The following SLCO3A1 variants were observed in gnomAD, a reference collection of about 807,000 sequenced individuals.
SLCO3A1 encodes the protein solute carrier organic anion transporter family member 3A1.
SLCO3A1 carries 27 observed loss-of-function variants against 63.1 expected under a neutral mutation model. That is an observed-to-expected ratio of 0.43 (90% CI 0.32 to 0.59). The LOEUF (loss-of-function observed/expected upper bound fraction) is 0.59, where lower values mean the gene tolerates loss of function less well. Ranked by LOEUF, SLCO3A1 falls within the 20% of genes least tolerant of loss-of-function variation. The pLI is 0.09. For synonymous variants in SLCO3A1, 473 were observed against 409.9 expected, an observed-to-expected ratio of 1.15 and a Z score of -1.86; for missense variants, 773 against 945.8, an observed-to-expected ratio of 0.82 and a Z score of 2.40.
chr15:92,150,905 G>T, intron 8 of SLCO3A1, 45 bp from the exon 9 acceptor site: 1 of 1,446,612 alleles, frequency 6.9e-7, no homozygotes, highest in East Asian at 2.3e-5. Context: ...ACAGGGGAAT[G>T]ATAAAAATCT....
intron 1 of SLCO3A1, among the ~76,000 whole-genome samples, chr15:91,910,132 G>A (rs1898438870): frequency 6.6e-6 from 1 of 152,280 alleles, no homozygotes; most frequent in Admixed American, 6.5e-5. Flanking sequence ...TTCCCCAGGG[G>A]TGGTCTAAAC....
chr15:91,977,444 G>A (rs1264045720), intron 2 of SLCO3A1, among the ~76,000 whole-genome samples: 1 of 152,132 alleles, frequency 6.6e-6, no homozygotes, highest in East Asian at 1.9e-4. Context: ...CAGTCAGTTT[G>A]GGGTTATTAG....
chr15:91,939,450 A>G (rs2151397717), intron 2 of SLCO3A1, among the ~76,000 whole-genome samples: 1 of 152,270 alleles, frequency 6.6e-6, no homozygotes, highest in African/African-American at 2.4e-5. Context: ...TAGCAGAAGA[A>G]TGTGGTTCTG....
intron 3 of SLCO3A1, among the ~76,000 whole-genome samples, chr15:92,101,115 T>G (rs1596101900): frequency 6.6e-6 from 1 of 152,286 alleles, no homozygotes; most frequent in South Asian, 2.1e-4. Flanking sequence ...TCTCCCTCAA[T>G]ATCCCTAGTT....
At chr15:92,023,657 C>T (rs7163548) in intron 2 of SLCO3A1, among the ~76,000 whole-genome samples, 24,313 of 152,004 alleles carry the variant, frequency 0.16, 2,354 homozygotes, top group Admixed American at 0.31. Context: ...TTAGTAGAGA[C>T]GGGATTTCAC....
At chr15:92,010,408 A>G (rs2046356410) in intron 2 of SLCO3A1, among the ~76,000 whole-genome samples, 1 of 152,218 alleles carries the variant, frequency 6.6e-6, no homozygotes. Flanking sequence ...CATTCAGTCC[A>G]GCGTTTCTCA....
At chr15:91,966,977 T>C (rs1240077795) in intron 2 of SLCO3A1, among the ~76,000 whole-genome samples, 2 of 151,992 alleles carry the variant, frequency 1.3e-5, no homozygotes, top group Non-Finnish European at 2.9e-5. Context: ...AAAAGCGTGG[T>C]GCAGTTTTTT....
intron 2 of SLCO3A1, among the ~76,000 whole-genome samples, chr15:91,917,513 C>T (rs575165986): frequency 2.6e-5 from 4 of 152,290 alleles, no homozygotes; most frequent in East Asian, 1.9e-4. Context: ...GGAGTAGACG[C>T]GTTTACTGAA....
chr15:92,001,970 A>T (rs2046260580), intron 2 of SLCO3A1, among the ~76,000 whole-genome samples: 2 of 151,526 alleles, frequency 1.3e-5, no homozygotes, highest in African/African-American at 4.9e-5. Context: ...TGCTCAATGC[A>T]GGTCCCTCCA....
intron 7 of SLCO3A1, among the ~76,000 whole-genome samples, chr15:92,134,348 C>T (rs2048031417): frequency 6.6e-6 from 1 of 152,156 alleles, no homozygotes; most frequent in Admixed American, 6.5e-5. Flanking sequence ...GCATCGCCAC[C>T]TGGGACACCT....
chr15:92,093,002 G>A (rs907766154), intron 2 of SLCO3A1, among the ~76,000 whole-genome samples: 1 of 152,130 alleles, frequency 6.6e-6, no homozygotes, highest in Non-Finnish European at 1.5e-5. Context: ...GCTGAGGGTG[G>A]ACTCAGCCCT....
chr15:91,882,474 G>T lies in SLCO3A1; in HGVS notation c.180+28386G>T, dbSNP rs902537557. 2.0e-5 allele frequency among the ~76,000 whole-genome samples: 3 copies of T among 152,128 alleles called. No homozygotes were observed. The highest frequency in any genetic ancestry group is 1.3e-4 in the Admixed American group (2 of 15,278). ...ACATGAAATTTGCTAATACGGTATA[G>T]ATTTGGGGGCCTCCACCCCCACCCC... is the stretch of plus-strand genomic sequence containing the variant. On this transcript the variant is annotated intron_variant, in intron 1 of 9. Coordinates refer to ENST00000318445, the MANE Select transcript of SLCO3A1 (RefSeq NM_013272.4). This position sits in a 1 kb window ranked among gnomAD's most constrained non-coding sequence, Gnocchi z 4.4.
exon 11 of SLCO3A1, chr15:92,172,027 G>A: frequency 1.7e-6 from 1 of 601,688 alleles, no homozygotes. Flanking sequence ...GGCCTGTGAT[G>A]AGGACCAAAG....
intron 7 of SLCO3A1, among the ~76,000 whole-genome samples, chr15:92,137,378 G>A (rs996729338): frequency 3.1e-5 from 3 of 97,136 alleles, no homozygotes; most frequent in Non-Finnish European, 5.7e-5. Context: ...TATCATTGTT[G>A]GACATTTGGG....
rs1424731786 is a variant in SLCO3A1 at position 91,863,766 on chromosome 15, T to TA, written c.180+9679dup. On this transcript the variant is annotated intron_variant, in intron 1 of 9. Transcript: ENST00000318445. This position sits in a 1 kb window ranked among gnomAD's most constrained non-coding sequence, Gnocchi z 4.3. ...GCTTCAGAGAAGCCTCTCCTGTCCTTATGCAAAAAACTGAGGGCAAGACTC... is the reference window on the plus strand; with the variant it reads ...GCTTCAGAGAAGCCTCTCCTGTCCTTAATGCAAAAAACTGAGGGCAAGACTC... Among the ~76,000 whole-genome samples the TA allele has an allele frequency of 2.6e-5, 4 of 152,112 alleles. No homozygotes were observed. The highest frequency in any genetic ancestry group is 4.4e-5 in the Non-Finnish European group (3 of 68,024).
chr15:92,040,344 A>G (rs11074036), intron 2 of SLCO3A1, among the ~76,000 whole-genome samples: 65,588 of 152,156 alleles, frequency 0.43, 15,978 homozygotes, highest in Admixed American at 0.61. Context: ...AAAGGCATGG[A>G]AACAGATCAG....
intron 5 of SLCO3A1, among the ~76,000 whole-genome samples, chr15:92,123,865 C>CA (rs2047891331): frequency 6.6e-6 from 1 of 152,056 alleles, no homozygotes; most frequent in South Asian, 2.1e-4. Context: ...GGCAGAAGGT[C>CA]AAAAAAACAA....
chr15:92,017,582 C>T (rs911738024), intron 2 of SLCO3A1, among the ~76,000 whole-genome samples: 4 of 151,912 alleles, frequency 2.6e-5, no homozygotes, highest in African/African-American at 9.7e-5. Flanking sequence ...GTTGCTGACA[C>T]AAAATAGCCA....
chr15:91,867,142 ATC>A (rs1897185334), intron 1 of SLCO3A1, among the ~76,000 whole-genome samples: 1 of 152,198 alleles, frequency 6.6e-6, no homozygotes, highest in African/African-American at 2.4e-5. Context: ...GGCTGTCGGC[ATC>A]TCTCTCGGCC....
Sources: allele counts gnomAD v4.1 joint callset (sites outside exome capture counted in the v4.1 genomes callset), GRCh38; gene constraint gnomAD v4.1.1; non-coding constraint Gnocchi (gnomAD v3.1); transcripts MANE v1.5; gene names NCBI Gene and HGNC (gene_info 2026-07-23, HGNC 2026-07-21).